VSX1: variants seen among roughly 807,000 people sequenced by gnomAD.
VSX1 encodes the protein homeodomain protein RINX.
In VSX1, 23 loss-of-function variants were observed where a neutral mutation model predicts 23.6. The ratio of observed to expected loss-of-function variants is 0.97; its 90% CI spans 0.70 to 1.38. VSX1 has a LOEUF of 1.38. Ranked by LOEUF, VSX1 falls within the 40% of genes most tolerant of loss-of-function variation. VSX1 has a pLI of 0.00. For synonymous variants in VSX1, 247 were observed against 215.1 expected (o/e 1.15, Z -1.30); for missense variants, 517 against 495.4 (o/e 1.04, Z -0.41).
At chr20:25,072,176 C>T (rs1188178515), downstream of VSX1, among the ~76,000 whole-genome samples, 1 of 152,166 alleles carries the variant, frequency 6.6e-6, no homozygotes, top group Non-Finnish European at 1.5e-5. Flanking sequence ...TTGTTTTAAG[C>T]CACAGTTTGG....
In VSX1 at chr20:25,077,686, CAGGA is replaced by C; in HGVS notation, c.803_806del (p.Leu268ArgfsTer10). On this transcript the variant is annotated frameshift_variant and splice_region_variant, in exon 4 of 5. Coordinates refer to ENST00000376709, the MANE Select transcript of VSX1 (RefSeq NM_014588.6). LOFTEE classifies it low-confidence loss of function (END_TRUNC). ...GCGATCCCGGGGGCCCTTCCTTACC[CAGGA>C]GCCAGGGCGCGCAGGAGCCCAGCAG... is the stretch of plus-strand genomic sequence containing the variant. 3.2e-6 allele frequency: 5 copies of C among 1,547,758 alleles called. No individual in the cohort carries two copies. The highest frequency in any genetic ancestry group is 4.4e-6 in the Non-Finnish European group (5 of 1,146,770).
In VSX1 at chr20:25,077,848, G is replaced by A. The variant is rs2089540969; in HGVS notation, c.645C>T (p.Arg215=). The change falls in exon 4 of 5, where the codon CGC becomes CGT. Residue 215 remains arginine (R), a synonymous_variant. Transcript: ENST00000376709. ...TCTCCCGCTTGCGCCATTTGGCCCT[G>A]CGGTTTTGAAACCAGACCTGGTTGG... The part of the protein sequence containing the change: ...EDRIQVWFQN[R]RAKWRKREKR... 1.9e-6 allele frequency: 3 copies of A among 1,552,008 alleles called. No individual in the cohort carries two copies. The highest frequency in any genetic ancestry group is 1.7e-6 in the Non-Finnish European group (2 of 1,147,274).
downstream of VSX1, among the ~76,000 whole-genome samples, chr20:25,074,054 AT>A (rs766243389): frequency 6.6e-6 from 1 of 152,250 alleles, no homozygotes; most frequent in Non-Finnish European, 1.5e-5. Flanking sequence ...TTGTCAAAAA[AT>A]GATAATGATA....
At chr20:25,072,659 G>C, downstream of VSX1, 2 of 471,124 alleles carry the variant, frequency 4.2e-6, no homozygotes, top group South Asian at 1.5e-5. Flanking sequence ...AATGCAAAGA[G>C]ATAATGAATT....
In VSX1 at chr20:25,076,410, G is replaced by A; in HGVS notation, c.949C>T (p.Pro317Ser). Reference protein sequence around the residue: ...GSQRGSDKVSPENGLEDVAID... With the variant: ...GSQRGSDKVSSENGLEDVAID... ...GCCACATCTTCCAAGCCATTCTCAG[G>A]GCTCACTTTATCTGAGCCTCTCTGT... The change falls in exon 5 of 5, where the codon CCT (proline) becomes TCT (serine). Residue 317 changes from proline to serine, a missense_variant. Coordinates refer to ENST00000376709, the MANE Select transcript of VSX1 (RefSeq NM_014588.6). The A allele has an allele frequency of 6.2e-7, 1 of 1,613,998 alleles. No individual in the cohort carries two copies. Among genetic ancestry groups the A allele is most frequent in the Non-Finnish European group, 8.5e-7 (1 of 1,180,022 alleles).
rs2089485123 is a variant in VSX1, at chr20:25,076,131, T to G, written c.*130A>C. 4 of 1,335,820 alleles carry G rather than the reference T, an allele frequency of 3.0e-6. No individual in the cohort carries two copies. The Admixed American group carries it at 7.0e-5, about 24-fold the overall frequency. The allele number at this position is 1,335,820 out of a possible 1,614,324, so 82.7% of individuals were successfully genotyped here. ...TCTGTCCTCTTAAAGCAAGTGGCAT[T>G]GCATTTTATCTTGACATTGTCAGAA... On this transcript the variant is annotated 3_prime_UTR_variant, in exon 5 of 5. Coordinates refer to ENST00000376709, the MANE Select transcript of VSX1 (RefSeq NM_014588.6).
At chr20:25,081,030 C>CT (rs990616769) in intron 1 of VSX1, among the ~76,000 whole-genome samples, 2 of 152,228 alleles carry the variant, frequency 1.3e-5, no homozygotes, top group Admixed American at 6.5e-5. Flanking sequence ...GTCTGGATTT[C>CT]TTTGGGGAAA....
At chr20:25,072,027 CAG>C, downstream of VSX1, 1 of 619,988 alleles carries the variant, frequency 1.6e-6, no homozygotes, top group East Asian at 2.7e-5. Flanking sequence ...CACTGGAAAA[CAG>C]GGAGAGTATT....
chr20:25,077,229 C>A (rs1433334948), intron 4 of VSX1, among the ~76,000 whole-genome samples: 1 of 152,148 alleles, frequency 6.6e-6, no homozygotes, highest in Non-Finnish European at 1.5e-5. Flanking sequence ...AAAAGCCACT[C>A]GGCAGGTTGT....
chr20:25,071,739 G>A (rs2089383213), downstream of VSX1: 1 of 688,278 alleles, frequency 1.5e-6, no homozygotes, highest in South Asian at 1.5e-5. Flanking sequence ...ACTGAACTTG[G>A]GAGACCAATG....
intron 1 of VSX1, among the ~76,000 whole-genome samples, chr20:25,080,417 A>G (rs907844853): frequency 4.6e-5 from 7 of 152,242 alleles, no homozygotes; most frequent in Non-Finnish European, 8.8e-5. Context: ...GGCCAGTAAG[A>G]TCAAGACATG....
downstream of VSX1, chr20:25,071,412 C>T (rs184826278): frequency 3.5e-5 from 16 of 453,650 alleles, no homozygotes; most frequent in East Asian, 3.5e-4. Flanking sequence ...TTAGAGGTTG[C>T]GGTGAGCTAT....
downstream of VSX1, chr20:25,071,092 C>G (rs1364807666): frequency 2.2e-6 from 1 of 454,006 alleles, no homozygotes; most frequent in Admixed American, 2.3e-5. Flanking sequence ...GATCAGGGGT[C>G]AAAGAGGAGA....
downstream of VSX1, chr20:25,071,480 G>T: frequency 2.3e-6 from 1 of 431,960 alleles, no homozygotes; most frequent in South Asian, 1.6e-5. Flanking sequence ...TAACACTCAG[G>T]GTCTTTTTTT....
At chr20:25,079,008 C>T in intron 2 of VSX1, 56 bp from the exon 3 acceptor site, 12 of 1,609,778 alleles carry the variant, frequency 7.5e-6, no homozygotes, top group African/African-American at 1.3e-5. Context: ...ACAGCAGCCT[C>T]CCTGGCCTTA....
At chr20:25,074,504 T>C (rs1048739401), downstream of VSX1, among the ~76,000 whole-genome samples, 1 of 152,262 alleles carries the variant, frequency 6.6e-6, no homozygotes, top group Non-Finnish European at 1.5e-5. Flanking sequence ...TAGAGATTTG[T>C]CCACTACTTG....
chr20:25,078,970 C>G lies in VSX1; in HGVS notation c.504-18G>C. 1 of 1,613,120 alleles carries G rather than the reference C, an allele frequency of 6.2e-7. No individual in the cohort carries two copies. Among genetic ancestry groups the G allele is most frequent in the Non-Finnish European group, 8.5e-7 (1 of 1,180,026 alleles). ...AAACTGTCCTGCAAGGACCCCAAAA[C>G]ACACAGGTGGGCACATGTCCCCTGG... On this transcript the variant is annotated intron_variant, in intron 2 of 4. Transcript: ENST00000376709.
downstream of VSX1, chr20:25,071,414 G>T (rs747912857): frequency 2.2e-6 from 1 of 454,052 alleles, no homozygotes; most frequent in South Asian, 1.6e-5. Flanking sequence ...AGAGGTTGCG[G>T]TGAGCTATGA....
chr20:25,080,061 G>A (rs2089607880), intron 1 of VSX1, among the ~76,000 whole-genome samples: 1 of 152,130 alleles, frequency 6.6e-6, no homozygotes, highest in African/African-American at 2.4e-5. Flanking sequence ...CTGGAGGTGG[G>A]ATCTAGGAGG....
Sources: allele counts gnomAD v4.1 joint callset (sites outside exome capture counted in the v4.1 genomes callset), GRCh38; gene constraint gnomAD v4.1.1; transcripts MANE v1.5; gene names NCBI Gene and HGNC (gene_info 2026-07-23, HGNC 2026-07-21).